ACACA: variants seen among roughly 807,000 people sequenced by gnomAD.
The protein encoded by ACACA is acetyl-CoA carboxylase 1.
Under a neutral mutation model 296.1 loss-of-function variants are expected in ACACA, and 103 were observed. That is an observed-to-expected ratio of 0.35 (90% CI 0.30 to 0.41). ACACA has a LOEUF of 0.41. Among genes scored for constraint, ACACA ranks in the 10% least tolerant of loss-of-function variants. ACACA has a pLI of 1.00. For synonymous variants in ACACA, 953 were observed against 1,038.6 expected (o/e 0.92, Z 1.58); for missense variants, 1,554 against 2,989.7 (o/e 0.52, Z 11.20).
chr17:37,354,617 T>G (rs2049049219), intron 1 of ACACA, among the ~76,000 whole-genome samples: 1 of 152,206 alleles, frequency 6.6e-6, no homozygotes, highest in African/African-American at 2.4e-5. Context: ...CAGTACTCAT[T>G]ACAGTTTTTT....
intron 3 of ACACA, among the ~76,000 whole-genome samples, chr17:37,303,165 T>C (rs1490030210): frequency 1.3e-5 from 2 of 152,188 alleles, no homozygotes. Flanking sequence ...ATTTCTCCAA[T>C]ATGCTCCCCA....
chr17:37,394,818 G>A (rs1270564474), intron 1 of ACACA, among the ~76,000 whole-genome samples: 1 of 151,310 alleles, frequency 6.6e-6, no homozygotes, highest in African/African-American at 2.4e-5. Context: ...GAACCCGGGA[G>A]GCGGAGCTTG....
At chr17:37,192,033 A>G in intron 37 of ACACA, 57 bp downstream of exon 37, 1 of 1,535,876 alleles carries the variant, frequency 6.5e-7, no homozygotes, top group South Asian at 1.1e-5. Flanking sequence ...TTTGAATCAT[A>G]TCTATTATTC....
At chr17:37,175,536 C>T (rs1421373592) in intron 41 of ACACA, among the ~76,000 whole-genome samples, 2 of 152,224 alleles carry the variant, frequency 1.3e-5, no homozygotes, top group Non-Finnish European at 1.5e-5. Flanking sequence ...CTCAACAGCA[C>T]ACATTCATCT....
In ACACA at chr17:37,374,813, C is replaced by G. The variant is rs547417046; in HGVS notation, c.38+31449G>C. 2.0e-5 allele frequency among the ~76,000 whole-genome samples: 3 copies of G among 152,278 alleles called. No homozygotes were observed. In the South Asian group the frequency reaches 6.2e-4, roughly 32 times the overall value. ...ATGTTGTCCACCAATACTCACTTCA[C>G]TATTCAGGAGTGTGAAGATGTGCAA... On this transcript the variant is annotated intron_variant, in intron 1 of 55. Transcript: ENST00000616317.
In ACACA at chr17:37,122,522, G is replaced by T. The variant is rs1426900729; in HGVS notation, c.6138+9C>A. 1 of 1,613,068 alleles carries T rather than the reference G, an allele frequency of 6.2e-7. No individual in the cohort carries two copies. The highest frequency in any genetic ancestry group is 1.1e-5 in the South Asian group (1 of 91,060). ...AAGCACAGCCCCCAGTGTACTTGAGGTGGCCTACCTTGGCTTCAGAATCCA... is the reference window on the plus strand; with the variant it reads ...AAGCACAGCCCCCAGTGTACTTGAGTTGGCCTACCTTGGCTTCAGAATCCA... On this transcript the variant is annotated intron_variant, in intron 49 of 55. Transcript: ENST00000616317.
At chr17:37,303,291 CATA>C (rs1476367461) in intron 3 of ACACA, among the ~76,000 whole-genome samples, 74 of 152,272 alleles carry the variant, frequency 4.9e-4, no homozygotes, top group African/African-American at 1.7e-3. Flanking sequence ...TTTCATTTAG[CATA>C]ATGTTTTCAA....
intron 3 of ACACA, among the ~76,000 whole-genome samples, chr17:37,316,372 A>T (rs956205522): frequency 2.0e-5 from 3 of 151,232 alleles, no homozygotes; most frequent in Non-Finnish European, 2.9e-5. Context: ...TCATCCTTCA[A>T]ATTCTAGTTC....
intron 29 of ACACA, 159 bp downstream of exon 29, chr17:37,221,565 A>C (rs1238618054): frequency 1.4e-6 from 1 of 720,950 alleles, no homozygotes. Flanking sequence ...TAGATCAAAG[A>C]AGTGGGCACC....
At chr17:37,373,053 G>C (rs931453706) in intron 1 of ACACA, among the ~76,000 whole-genome samples, 1 of 151,888 alleles carries the variant, frequency 6.6e-6, no homozygotes. Context: ...GATAATTTTT[G>C]TATTTTTGGT....
chr17:37,184,494 C>T (rs1311268236), intron 39 of ACACA, among the ~76,000 whole-genome samples: 1 of 152,184 alleles, frequency 6.6e-6, no homozygotes, highest in Non-Finnish European at 1.5e-5. Flanking sequence ...AGTCACCTTA[C>T]CTGCCAAAAC....
chr17:37,344,498 C>T (rs1262356666), intron 1 of ACACA, among the ~76,000 whole-genome samples: 1 of 152,026 alleles, frequency 6.6e-6, no homozygotes, highest in South Asian at 2.1e-4. Context: ...GCAGAGGCTG[C>T]AATGAGCTGA....
At position 37,257,983 on chromosome 17, in the gene ACACA, A is replaced by C. The variant is rs1000850231; in HGVS notation, c.1663-117T>G. The C allele has an allele frequency of 2.9e-6, 4 of 1,385,006 alleles. No individual in the cohort carries two copies. The African/African-American group carries it at 5.8e-5, about 20-fold the overall frequency. 85.8% of individuals were successfully genotyped at this position (1,385,006 alleles called of 1,614,324 possible). A position where few individuals can be genotyped will look rare whatever the true frequency, so the allele number is the denominator to read the frequency against. Reference sequence around the variant, plus strand: ...ACAGAAGCAGAGAAGACACACAAAAATGATAAAGGCCAAGACCCAGTGCCA... The same window carrying C: ...ACAGAAGCAGAGAAGACACACAAAACTGATAAAGGCCAAGACCCAGTGCCA... On this transcript the variant is annotated intron_variant, in intron 13 of 55. Transcript: ENST00000616317.
At chr17:37,244,101 G>A (rs1474587494) in intron 21 of ACACA, among the ~76,000 whole-genome samples, 2 of 151,588 alleles carry the variant, frequency 1.3e-5, no homozygotes, top group African/African-American at 2.4e-5. Context: ...AGTGGCTCAC[G>A]CCTATAATCC....
intron 25 of ACACA, among the ~76,000 whole-genome samples, chr17:37,233,552 A>C (rs374289529): frequency 6.6e-5 from 10 of 152,206 alleles, no homozygotes; most frequent in African/African-American, 2.4e-4. Flanking sequence ...AACTCACCAT[A>C]ATTAGCTTCC....
intron 45 of ACACA, among the ~76,000 whole-genome samples, chr17:37,144,819 T>C (rs2075743635): frequency 6.6e-6 from 1 of 151,828 alleles, no homozygotes; most frequent in Admixed American, 6.6e-5. Context: ...AGGATTTTTT[T>C]TTTTCTAAAA....
intron 25 of ACACA, among the ~76,000 whole-genome samples, chr17:37,231,760 C>T (rs539992735): frequency 6.6e-6 from 1 of 152,276 alleles, no homozygotes; most frequent in South Asian, 2.1e-4. Context: ...ATGTACATTG[C>T]CATCTAGACA....
chr17:37,394,924 AAT>A (rs1387772135), intron 1 of ACACA, among the ~76,000 whole-genome samples: 1 of 151,216 alleles, frequency 6.6e-6, no homozygotes, highest in Non-Finnish European at 1.5e-5. Flanking sequence ...TAATAAAATA[AAT>A]AAAGTACATT....
At chr17:37,138,067 A>G (rs1350814143) in intron 45 of ACACA, among the ~76,000 whole-genome samples, 2 of 152,250 alleles carry the variant, frequency 1.3e-5, no homozygotes, top group African/African-American at 4.8e-5. Flanking sequence ...TATTAAAATT[A>G]GGAACCGGTC....
Sources: allele counts gnomAD v4.1 joint callset (sites outside exome capture counted in the v4.1 genomes callset), GRCh38; gene constraint gnomAD v4.1.1; transcripts MANE v1.5; gene names NCBI Gene and HGNC (gene_info 2026-07-23, HGNC 2026-07-21).